SARAF: variants seen among roughly 807,000 people sequenced by gnomAD.
The protein encoded by SARAF is store-operated calcium entry-associated regulatory factor.
Under a neutral mutation model 39.7 loss-of-function variants are expected in SARAF, and 23 were observed. The observed-to-expected ratio is 0.58, with a 90% CI of 0.42 to 0.82. The LOEUF is 0.82. Among genes scored for constraint, SARAF ranks in the 40% least tolerant of loss-of-function variants. SARAF has a pLI of 0.00. For synonymous variants in SARAF, 175 were observed against 168.5 expected, an observed-to-expected ratio of 1.04 and a Z score of -0.30; for missense variants, 384 against 418.5, an observed-to-expected ratio of 0.92 and a Z score of 0.72.
chr8:30,064,547 A>ATTTTTTTTTTT lies in SARAF; in HGVS notation c.995-635_995-634insAAAAAAAAAAA, dbSNP rs1319036441. ...GTCTTACCTAGCCATATATATATAT[A>ATTTTTTTTTTT]TATATATATATATATTTTTTTTTTT... On this transcript the variant is annotated intron_variant, in intron 5 of 5. Coordinates refer to ENST00000256255, the MANE Select transcript of SARAF (RefSeq NM_016127.6). Among the ~76,000 whole-genome samples, 7 of 37,008 alleles carry ATTTTTTTTTTT rather than the reference A, an allele frequency of 1.9e-4. 1 individual carries two copies. The highest frequency in any genetic ancestry group is 6.3e-4 in the East Asian group (1 of 1,580). The allele number at this position is 37,008 out of a possible 152,430, so 24.3% of individuals were successfully genotyped here. A position where few individuals can be genotyped will look rare whatever the true frequency, so the allele number is the denominator to read the frequency against.
In SARAF at chr8:30,069,805, A is replaced by C. The variant is rs6468094; in HGVS notation, c.537T>G (p.Ile179Met). The change falls in exon 3 of 6, where the codon ATT becomes ATG. Residue 179 changes from isoleucine (I) to methionine (M), a missense_variant. By Grantham distance (10) the Ile-to-Met change is conservative (BLOSUM62 1). Coordinates refer to ENST00000256255, the MANE Select transcript of SARAF (RefSeq NM_016127.6). ...DSCNMSGLIT[I>M]VVLLGIAFVV... The stretch of plus-strand genomic sequence containing the variant: ...CAAACGCGATCCCAAGGAGTACCAC[A>C]ATGGTAATCAATCCACTCATGTTAC... 1.2e-6 allele frequency: 2 copies of C among 1,614,166 alleles called. No individual in the cohort carries two copies. Among genetic ancestry groups the C allele is most frequent in the Non-Finnish European group, 8.5e-7 (1 of 1,180,050 alleles).
chr8:30,068,604 C>G, intron 3 of SARAF, among the ~76,000 whole-genome samples: 1 of 102,238 alleles, frequency 9.8e-6, no homozygotes, highest in Non-Finnish European at 1.8e-5. Context: ...GAAAAATTGT[C>G]TTCCACAAAG....
chr8:30,069,869 A>G lies in SARAF; in HGVS notation c.473T>C (p.Phe158Ser), dbSNP rs767039485. 3.1e-6 allele frequency: 5 copies of G among 1,614,034 alleles called. No homozygotes were observed. The highest frequency in any genetic ancestry group is 2.7e-5 in the African/African-American group (2 of 74,910). Residue 158 changes from phenylalanine (F) to serine (S), a missense_variant, in exon 3 of 6, where the codon TTC (phenylalanine) becomes TCC (serine). Phe to Ser is a radical substitution (Grantham distance 155). Coordinates refer to ENST00000256255, the MANE Select transcript of SARAF (RefSeq NM_016127.6). ...ESGKQHGFAS[F>S]SDYYYKWSSA... The stretch of plus-strand genomic sequence containing the variant: ...GGACCACTTATAATAATAATCAGAG[A>G]AAGAGGCAAAGCCGTGCTGCTTTCC...
intron 2 of SARAF, among the ~76,000 whole-genome samples, chr8:30,071,203 T>C (rs1487004093): frequency 6.6e-6 from 1 of 152,072 alleles, no homozygotes; most frequent in African/African-American, 2.4e-5. Context: ...GAGGTGGGCA[T>C]GGTGGCAGGC....
At chr8:30,070,161 G>A in intron 2 of SARAF, 102 bp from the exon 3 acceptor site, 2 of 1,091,798 alleles carry the variant, frequency 1.8e-6, no homozygotes. Flanking sequence ...TGTAATCTCA[G>A]CACTTTCGGA....
At chr8:30,079,291 C>T (rs1802048032) in intron 1 of SARAF, among the ~76,000 whole-genome samples, 2 of 151,786 alleles carry the variant, frequency 1.3e-5, no homozygotes, top group Admixed American at 6.6e-5. Context: ...ATGAAGTGGT[C>T]TTTTTAATTT....
In SARAF at chr8:30,069,965, A is replaced by C; in HGVS notation, c.377T>G (p.Leu126Arg). 1 of 1,613,966 alleles carries C rather than the reference A, an allele frequency of 6.2e-7. No individual in the cohort carries two copies. The highest frequency in any genetic ancestry group is 8.5e-7 in the Non-Finnish European group (1 of 1,180,008). ...ATACTCCAAGCCACAAGAACCTCTTAGTACATACTGGTCTTCAGAGGACTC... is the reference window on the plus strand; with the variant it reads ...ATACTCCAAGCCACAAGAACCTCTTCGTACATACTGGTCTTCAGAGGACTC... ...GYESSEDQYV[L>R]RGSCGLEYNL... The change falls in exon 3 of 6, where the codon CTA (leucine) becomes CGA (arginine). Residue 126 changes from leucine to arginine, a missense_variant. By Grantham distance (102) the Leu-to-Arg change is moderately radical. Coordinates refer to ENST00000256255, the MANE Select transcript of SARAF (RefSeq NM_016127.6).
chr8:30,065,710 T>C, intron 5 of SARAF: 1 of 380,362 alleles, frequency 2.6e-6, no homozygotes. Context: ...ACTTAAAGGA[T>C]CTCTAGAGAT....
At chr8:30,074,117 A>G in intron 1 of SARAF, 62 bp from the exon 2 acceptor site, 1 of 1,548,918 alleles carries the variant, frequency 6.5e-7, no homozygotes, top group Non-Finnish European at 8.8e-7. Context: ...AGAAAGGTTC[A>G]TCCTAACGAA....
At position 30,082,955 on chromosome 8, in the gene SARAF, T is replaced by C; in HGVS notation, c.-6A>G. The C allele has an allele frequency of 1.3e-6, 2 of 1,539,920 alleles. No individual in the cohort carries two copies. The highest frequency in any genetic ancestry group is 2.4e-5 in the South Asian group (2 of 83,058). On this transcript the variant is annotated 5_prime_UTR_variant, in exon 1 of 6. Transcript: ENST00000256255. Reference sequence around the variant, plus strand: ...GGCCCGCAGGCTGCGGCCATGGCGCTCGATGAAGATGGCGCCGGGCTGCCA... The same window carrying C: ...GGCCCGCAGGCTGCGGCCATGGCGCCCGATGAAGATGGCGCCGGGCTGCCA...
intron 3 of SARAF, among the ~76,000 whole-genome samples, chr8:30,067,823 A>C (rs1585434435): frequency 1.3e-5 from 2 of 152,154 alleles, no homozygotes; most frequent in African/African-American, 4.8e-5. Flanking sequence ...TGCTATGAAC[A>C]TTCCTGTGCA....
chr8:30,064,559 A>T (rs376091034), intron 5 of SARAF, among the ~76,000 whole-genome samples: 44,074 of 49,784 alleles, frequency 0.89, 19,605 homozygotes, highest in South Asian at 0.94. Context: ...ATATATATAT[A>T]TATTTTTTTT....
At chr8:30,078,895 G>A (rs891259521) in intron 1 of SARAF, among the ~76,000 whole-genome samples, 18 of 152,094 alleles carry the variant, frequency 1.2e-4, no homozygotes, top group Middle Eastern at 3.4e-3. Context: ...GGTGGCTCAC[G>A]TCTGTAACCC....
intron 1 of SARAF, among the ~76,000 whole-genome samples, chr8:30,077,304 T>C (rs1441009233): frequency 1.3e-5 from 2 of 151,672 alleles, no homozygotes; most frequent in African/African-American, 4.8e-5. Context: ...AAAAAAATTA[T>C]AACATTAGCC....
intron 1 of SARAF, among the ~76,000 whole-genome samples, chr8:30,081,567 C>A (rs564848795): frequency 6.6e-6 from 1 of 152,332 alleles, no homozygotes; most frequent in East Asian, 1.9e-4. Flanking sequence ...GATGTGCTTG[C>A]AAATAGCACC....
intron 1 of SARAF, among the ~76,000 whole-genome samples, chr8:30,074,408 G>A (rs557372435): frequency 2.0e-4 from 30 of 152,310 alleles, no homozygotes; most frequent in Non-Finnish European, 3.8e-4. Context: ...GCATGTTCCT[G>A]AAGCACATTT....
At chr8:30,064,561 A>ATATATATTTTTTTTTTTTTTTTT (rs1423689069) in intron 5 of SARAF, among the ~76,000 whole-genome samples, 4 of 46,236 alleles carry the variant, frequency 8.7e-5, no homozygotes, top group African/African-American at 4.5e-4. Flanking sequence ...ATATATATAT[A>ATATATATTTTTTTTTTTTTTTTT]TTTTTTTTTT....
chr8:30,069,912 G>C lies in SARAF; in HGVS notation c.430C>G (p.Gln144Glu). ...TGCTTTCCAGACTCCTTCAGTTTCT[G>C]CAGGCCAAGTTCTGTATAATCTAAA... The part of the protein sequence containing the change: ...YNLDYTELGL[Q>E]KLKESGKQHG... Residue 144 changes from glutamine to glutamate, a missense_variant, in exon 3 of 6, where the codon CAG (glutamine) becomes GAG (glutamate). Physicochemically the swap from Gln to Glu is conservative, Grantham distance 29. Transcript: ENST00000256255. The C allele has an allele frequency of 6.2e-7, 1 of 1,614,072 alleles. No individual in the cohort carries two copies. The highest frequency in any genetic ancestry group is 8.5e-7 in the Non-Finnish European group (1 of 1,180,026).
At chr8:30,070,174 C>A in intron 2 of SARAF, 115 bp from the exon 3 acceptor site, 1 of 921,620 alleles carries the variant, frequency 1.1e-6, no homozygotes, top group Non-Finnish European at 1.6e-6. Context: ...CTTTCGGAGG[C>A]CAAGGCGGGT....
Sources: gnomAD v4.1 joint callset for allele counts (sites outside exome capture counted in the v4.1 genomes callset) on GRCh38, gnomAD v4.1.1 for gene constraint, MANE v1.5 for transcripts, NCBI Gene and HGNC (gene_info 2026-07-23, HGNC 2026-07-21) for gene names.